Variants in LONP2 observed in about 807,000 individuals in gnomAD.
LONP2 encodes the protein lon peptidase 2, peroxisomal.
A neutral mutation model predicts 85.6 loss-of-function variants in LONP2; 60 were observed. The observed-to-expected ratio is 0.70, with a 90% CI of 0.57 to 0.87. LONP2 has a LOEUF of 0.87. Ranked by LOEUF, LONP2 falls within the 40% of genes least tolerant of loss-of-function variation. LONP2 has a pLI of 0.00. For synonymous variants in LONP2, 395 were observed against 389.7 expected, an observed-to-expected ratio of 1.01 and a Z score of -0.16; for missense variants, 860 against 1,063.5, an observed-to-expected ratio of 0.81 and a Z score of 2.66.
chr16:48,277,762 T>C (rs1029844789), intron 8 of LONP2, among the ~76,000 whole-genome samples: 13 of 152,128 alleles, frequency 8.5e-5, no homozygotes, highest in African/African-American at 2.6e-4. Context: ...TACACAGTTA[T>C]GGCAAAAAAA....
Position 48,355,380 on chromosome 16 carries a change from A to G in LONP2, c.*3578A>G, listed in dbSNP as rs1175469532. On this transcript the variant is annotated 3_prime_UTR_variant, in exon 15 of 15. Transcript: ENST00000285737. The stretch of plus-strand genomic sequence containing the variant: ...ATTCCCTTCCACCATATGAGGACAC[A>G]GCAACAGGCCCCGTCCTAGAAGCTG... 1 of 152,210 alleles carries G rather than the reference A, an allele frequency of 6.6e-6. No individual in the cohort carries two copies. Among genetic ancestry groups the G allele is most frequent in the Non-Finnish European group, 1.5e-5 (1 of 68,040 alleles). The allele number at this position is 152,210 out of a possible 1,614,324, so 9.4% of individuals were successfully genotyped here.
In LONP2 at chr16:48,267,760, C is replaced by T. The variant is rs183618898; in HGVS notation, c.983-2256C>T. Among the ~76,000 whole-genome samples the T allele has an allele frequency of 1.6e-3, 241 of 152,082 alleles. 1 individual carries two copies. The highest frequency in any genetic ancestry group is 5.5e-3 in the African/African-American group (229 of 41,498). On this transcript the variant is annotated intron_variant, in intron 6 of 14. Coordinates refer to ENST00000285737, the MANE Select transcript of LONP2 (RefSeq NM_031490.5). Reference sequence around the variant, plus strand: ...TCTACTGAGTAGCAGGGATTACAGGCGCCTGCCACCATGCCCAGCTAATTT... The same window carrying T: ...TCTACTGAGTAGCAGGGATTACAGGTGCCTGCCACCATGCCCAGCTAATTT...
At chr16:48,266,509 CTT>C (rs1971993793) in intron 6 of LONP2, among the ~76,000 whole-genome samples, 1 of 152,046 alleles carries the variant, frequency 6.6e-6, no homozygotes, top group Non-Finnish European at 1.5e-5. Context: ...TAATCCCTTC[CTT>C]CTTCCCCGCC....
chr16:48,360,592 CA>C (rs1250835715), downstream of LONP2: 1 of 152,534 alleles, frequency 6.6e-6, no homozygotes, highest in Non-Finnish European at 1.5e-5. Flanking sequence ...ACATTTTTTG[CA>C]AACTGCCTTT....
intron 11 of LONP2, among the ~76,000 whole-genome samples, chr16:48,315,795 C>T (rs28823370): frequency 0.21 from 32,345 of 151,528 alleles, 4,338 homozygotes; most frequent in African/African-American, 0.38. Context: ...AGAAGAGAGC[C>T]CTTCACTGTC....
Position 48,354,721 on chromosome 16 carries a change from C to G in LONP2, c.*2919C>G, listed in dbSNP as rs1343111589. 6.6e-6 allele frequency: 1 copy of G among 152,196 alleles called. No homozygotes were observed. Among genetic ancestry groups the G allele is most frequent in the Non-Finnish European group, 1.5e-5 (1 of 68,038 alleles). 9.4% of individuals were successfully genotyped at this position (152,196 alleles called of 1,614,324 possible). On this transcript the variant is annotated 3_prime_UTR_variant, in exon 15 of 15. Coordinates refer to ENST00000285737, the MANE Select transcript of LONP2 (RefSeq NM_031490.5). ...GCTCGAACAGTCACTGGGGCAACTA[C>G]TTTTCGCCCAGTGTCCTCCAGAAAA...
chr16:48,361,736 C>T (rs1960608000), downstream of LONP2: 1 of 1,614,034 alleles, frequency 6.2e-7, no homozygotes, highest in Non-Finnish European at 8.5e-7. Context: ...TCAATCGTCG[C>T]CTATGACCAT....
chr16:48,316,082 A>C lies in LONP2; in HGVS notation c.1795+12777A>C, dbSNP rs560847468. 1.3e-4 allele frequency among the ~76,000 whole-genome samples: 19 copies of C among 148,340 alleles called. 1 individual carries two copies. The East Asian group carries it at 2.4e-3, about 19-fold the overall frequency. ...AAGTGCAGTGGCACGATTTTGGCTT[A>C]CTGCAACCTTTGCCTCCTGGATTCA... On this transcript the variant is annotated intron_variant, in intron 11 of 14. Coordinates refer to ENST00000285737, the MANE Select transcript of LONP2 (RefSeq NM_031490.5).
In LONP2 at chr16:48,297,708, GTT is replaced by G. The variant is rs752667729; in HGVS notation, c.1534+1552_1534+1553del. 2.2e-5 allele frequency among the ~76,000 whole-genome samples: 3 copies of G among 136,410 alleles called. No individual in the cohort carries two copies. In the East Asian group the frequency reaches 6.7e-4, roughly 31 times the overall value. 89.5% of individuals were successfully genotyped at this position (136,410 alleles called of 152,430 possible). A position where few individuals can be genotyped will look rare whatever the true frequency, so the allele number is the denominator to read the frequency against. ...GTGAATTATAATTGGATTTCTGTTT[GTT>G]TTTTTTTTGAGATGGAGTCTCACTC... On this transcript the variant is annotated intron_variant, in intron 9 of 14. Coordinates refer to ENST00000285737, the MANE Select transcript of LONP2 (RefSeq NM_031490.5).
At chr16:48,287,939 G>C (rs768353753) in intron 8 of LONP2, among the ~76,000 whole-genome samples, 16 of 151,948 alleles carry the variant, frequency 1.1e-4, no homozygotes, top group Non-Finnish European at 1.6e-4. Context: ...ATTTCATTTT[G>C]ATTCTGTGCT....
chr16:48,331,278 A>G (rs1192455681), intron 11 of LONP2, among the ~76,000 whole-genome samples: 1 of 152,176 alleles, frequency 6.6e-6, no homozygotes, highest in Admixed American at 6.5e-5. Flanking sequence ...GTGCTTTCCC[A>G]TCTTTGATCA....
At chr16:48,338,550 TG>T (rs1214829532) in intron 12 of LONP2, among the ~76,000 whole-genome samples, 2 of 151,872 alleles carry the variant, frequency 1.3e-5, no homozygotes, top group Non-Finnish European at 2.9e-5. Flanking sequence ...GGGGAAGACT[TG>T]GGGAGGGAGA....
intron 3 of LONP2, among the ~76,000 whole-genome samples, chr16:48,257,998 A>G (rs556133399): frequency 3.3e-5 from 5 of 152,382 alleles, no homozygotes; most frequent in East Asian, 1.9e-4. Context: ...GCTTCAAGAG[A>G]GTAATTCCCA....
At chr16:48,309,767 G>A (rs1206915680) in intron 11 of LONP2, among the ~76,000 whole-genome samples, 2 of 151,824 alleles carry the variant, frequency 1.3e-5, no homozygotes, top group East Asian at 3.9e-4. Context: ...CTGACGTTTG[G>A]TCTGTCTTGG....
Position 48,255,599 on chromosome 16 carries a change from G to A in LONP2, c.469-1011G>A, listed in dbSNP as rs192271161. ...GATTCTAGTTAGTCCAAATTGATAT[G>A]GTTTGGCTGTGTCCCCACCCAAATA... On this transcript the variant is annotated intron_variant, in intron 2 of 14. Transcript: ENST00000285737. Among the ~76,000 whole-genome samples the A allele has an allele frequency of 2.0e-3, 306 of 152,268 alleles. 3 individuals are homozygous for A. Among genetic ancestry groups the A allele is most frequent in the African/African-American group, 7.2e-3 (298 of 41,536 alleles).
At chr16:48,326,163 G>C (rs969352318) in intron 11 of LONP2, among the ~76,000 whole-genome samples, 3 of 152,180 alleles carry the variant, frequency 2.0e-5, no homozygotes, top group Admixed American at 6.5e-5. Context: ...CCTGAATTCT[G>C]CTAAGCATCA....
At chr16:48,290,649 C>T (rs1972541074) in intron 8 of LONP2, among the ~76,000 whole-genome samples, 2 of 152,234 alleles carry the variant, frequency 1.3e-5, no homozygotes, top group Non-Finnish European at 2.9e-5. Flanking sequence ...TACAAACAAA[C>T]AGCACAGGAG....
intron 10 of LONP2, among the ~76,000 whole-genome samples, chr16:48,300,263 GA>G (rs976741417): frequency 2.0e-5 from 3 of 152,190 alleles, no homozygotes; most frequent in African/African-American, 7.2e-5. Flanking sequence ...TTGGCTGAGA[GA>G]TTTTTAAAAT....
chr16:48,362,249 A>C (rs761104980), downstream of LONP2: 10 of 1,614,218 alleles, frequency 6.2e-6, no homozygotes, highest in East Asian at 6.7e-5. This position sits in a 1 kb window ranked among gnomAD's most constrained non-coding sequence, Gnocchi z 4.2. Flanking sequence ...TGCTACAAAC[A>C]AGATGGCCAC....
Sources: allele counts gnomAD v4.1 joint callset (sites outside exome capture counted in the v4.1 genomes callset), GRCh38; gene constraint gnomAD v4.1.1; non-coding constraint Gnocchi (gnomAD v3.1); transcripts MANE v1.5; gene names NCBI Gene and HGNC (gene_info 2026-07-23, HGNC 2026-07-21).